The following TMPRSS5 variants were observed in gnomAD, a reference collection of about 807,000 sequenced individuals.
The protein encoded by TMPRSS5 is transmembrane serine protease 5, also known as transmembrane protease serine 5.
TMPRSS5 carries 45 observed loss-of-function variants against 59.7 expected under a neutral mutation model. That is an observed-to-expected ratio of 0.75 (90% confidence interval 0.59 to 0.97). The LOEUF (loss-of-function observed/expected upper bound fraction) is 0.97. Ranked by LOEUF, TMPRSS5 falls within the 50% of genes least tolerant of loss-of-function variation. TMPRSS5 has a pLI of 0.00. For missense variants in TMPRSS5, 585 were observed against 596.7 expected (o/e 0.98, Z 0.20); for synonymous variants, 225 against 232.0 (o/e 0.97, Z 0.27).
intron 3 of TMPRSS5, among the ~76,000 whole-genome samples, chr11:113,699,272 C>CTCTCCCCCCTCTCTCTCCCT (rs1953044616): frequency 6.2e-4 from 15 of 24,080 alleles, no homozygotes; most frequent in South Asian, 1.6e-3. Flanking sequence ...TCTCTCTCTC[C>CTCTCCCCCCTCTCTCTCCCT]CTCTCTCTCT....
In TMPRSS5 at chr11:113,694,714, G is replaced by A. The variant is rs1952880749; in HGVS notation, c.623-74C>T. On this transcript the variant is annotated intron_variant, in intron 7 of 12. Transcript: ENST00000299882. ...AGCATGGTCCTAACTCTCAGGAAGC[G>A]TGGCCCAGTGCTAAGCCCCAGAGAG... 7.1e-6 allele frequency: 10 copies of A among 1,406,206 alleles called. No homozygotes were observed. In the South Asian group the frequency reaches 8.9e-5, roughly 12 times the overall value. The allele number at this position is 1,406,206 out of a possible 1,614,324, so 87.1% of individuals were successfully genotyped here. A position where few individuals can be genotyped will look rare whatever the true frequency, so the allele number is the denominator to read the frequency against.
At chr11:113,697,047 C>A (rs1952947929) in intron 5 of TMPRSS5, 76 bp from the exon 6 acceptor site, 2 of 1,227,204 alleles carry the variant, frequency 1.6e-6, no homozygotes, top group Non-Finnish European at 2.3e-6. Flanking sequence ...AGTATAGTGA[C>A]CGCAAGACTG....
At chr11:113,694,787 G>A (rs1278641695) in intron 7 of TMPRSS5, 147 bp from the exon 8 acceptor site, 7 of 845,450 alleles carry the variant, frequency 8.3e-6, no homozygotes, top group Non-Finnish European at 1.2e-5. Context: ...AAGTATGGGG[G>A]ATGGGAAGGT....
At chr11:113,691,119 T>C in intron 9 of TMPRSS5, 180 bp from the exon 10 acceptor site, 1 of 597,436 alleles carries the variant, frequency 1.7e-6, no homozygotes, top group Admixed American at 3.0e-5. Flanking sequence ...TGTCCCATCT[T>C]TGGGGTCCCC....
At chr11:113,699,259 CTCTCTCTCTCT>C (rs1953038993) in intron 3 of TMPRSS5, among the ~76,000 whole-genome samples, 2 of 80,064 alleles carry the variant, frequency 2.5e-5, no homozygotes, top group South Asian at 4.5e-4. Context: ...CTCTCTCTCT[CTCTCTCTCTCT>C]CCCTCTCTCT....
intron 11 of TMPRSS5, 131 bp from the exon 12 acceptor site, chr11:113,690,048 C>A (rs1373756301): frequency 4.0e-6 from 5 of 1,240,494 alleles, no homozygotes; most frequent in Non-Finnish European, 5.5e-6. Flanking sequence ...TATCTGCTGG[C>A]CTCACCCCTC....
At chr11:113,700,866 AC>A (rs910892904) in intron 1 of TMPRSS5, among the ~76,000 whole-genome samples, 1 of 152,138 alleles carries the variant, frequency 6.6e-6, no homozygotes, top group Non-Finnish European at 1.5e-5. Flanking sequence ...TCGGGTAGGG[AC>A]CTTGTGGGAG....
At chr11:113,697,444 T>C (rs1012987323) in intron 4 of TMPRSS5, 26 bp from the exon 5 acceptor site, 1 of 1,610,544 alleles carries the variant, frequency 6.2e-7, no homozygotes, top group Non-Finnish European at 8.5e-7. Context: ...GAAAACCACA[T>C]GGGAGAGGAT....
At chr11:113,701,866 G>A (rs189291464) in intron 1 of TMPRSS5, among the ~76,000 whole-genome samples, 169 of 151,888 alleles carry the variant, frequency 1.1e-3, no homozygotes, top group African/African-American at 3.8e-3. Flanking sequence ...TACATGTGCC[G>A]TGGTGGTTTG....
At chr11:113,699,219 C>G (rs1369498538) in intron 3 of TMPRSS5, among the ~76,000 whole-genome samples, 192 bp from the exon 4 acceptor site, 32 of 26,762 alleles carry the variant, frequency 1.2e-3, no homozygotes, top group Admixed American at 2.8e-3. Flanking sequence ...CTGTCTCTCT[C>G]TCTCTCTCTC....
intron 6 of TMPRSS5, among the ~76,000 whole-genome samples, chr11:113,696,339 G>A (rs1280624245): frequency 2.0e-5 from 3 of 152,174 alleles, no homozygotes; most frequent in Non-Finnish European, 4.4e-5. Context: ...AGGATCTGGG[G>A]AAGGGGCTGC....
chr11:113,696,224 G>A (rs1449324871), intron 6 of TMPRSS5, among the ~76,000 whole-genome samples: 2 of 152,142 alleles, frequency 1.3e-5, no homozygotes, highest in Admixed American at 6.5e-5. Flanking sequence ...GTGGTAATGG[G>A]GGTGCCCACC....
In TMPRSS5 at chr11:113,688,613, C is replaced by T. The variant is rs1268353038; in HGVS notation, c.1360-339G>A. Among the ~76,000 whole-genome samples, 6 of 152,270 alleles carry T rather than the reference C, an allele frequency of 3.9e-5. No homozygotes were observed. The South Asian group carries it at 6.2e-4, about 16-fold the overall frequency. On this transcript the variant is annotated intron_variant, in intron 12 of 12. Transcript: ENST00000299882. ...TGAGACAGAGTCCTGCTCTGTCGCC[C>T]AGCCTGGAGTGCAGTGGCACGATCT...
chr11:113,690,178 C>T, intron 11 of TMPRSS5, 53 bp downstream of exon 11: 1 of 705,262 alleles, frequency 1.4e-6, no homozygotes, highest in Non-Finnish European at 2.4e-6. Flanking sequence ...GGCCCCCTGC[C>T]CTCCCACCCC....
At chr11:113,692,563 C>T (rs1204843707) in intron 9 of TMPRSS5, among the ~76,000 whole-genome samples, 1 of 152,136 alleles carries the variant, frequency 6.6e-6, no homozygotes, top group African/African-American at 2.4e-5. Flanking sequence ...GCAGGAGGAG[C>T]CCTGGCATCA....
rs763025615 is a variant in TMPRSS5, at chr11:113,690,980, G to T, written c.965-41C>A. 1.6e-5 allele frequency: 24 copies of T among 1,539,804 alleles called. No homozygotes were observed. In the Admixed American group the frequency reaches 4.5e-4, roughly 29 times the overall value. On this transcript the variant is annotated intron_variant, in intron 9 of 12. Coordinates refer to ENST00000299882, the MANE Select transcript of TMPRSS5 (RefSeq NM_030770.4). ...TGGTCCTGGTCCCCAGTCAGGCTTG[G>T]CTTCCCCCACTGCAGAGCCTGGGCG...
At chr11:113,699,538 G>A in intron 3 of TMPRSS5, 57 bp downstream of exon 3, 1 of 1,420,726 alleles carries the variant, frequency 7.0e-7, no homozygotes. Context: ...CACCTGCTCA[G>A]CACCTGCTTC....
intron 9 of TMPRSS5, among the ~76,000 whole-genome samples, chr11:113,692,595 A>G (rs1565256848): frequency 6.6e-6 from 1 of 152,338 alleles, no homozygotes; most frequent in East Asian, 1.9e-4. Context: ...TGTTTGCCAC[A>G]TGACCTTGAA....
intron 1 of TMPRSS5, among the ~76,000 whole-genome samples, chr11:113,703,832 A>C (rs1953209272): frequency 6.6e-6 from 1 of 152,226 alleles, no homozygotes; most frequent in African/African-American, 2.4e-5. Flanking sequence ...CACCATGATC[A>C]TAAGTTTCCT....
Sources: gnomAD v4.1 joint callset for allele counts (sites outside exome capture counted in the v4.1 genomes callset) on GRCh38, gnomAD v4.1.1 for gene constraint, MANE v1.5 for transcripts, NCBI Gene and HGNC (gene_info 2026-07-23, HGNC 2026-07-21) for gene names.